The following ROS1 variants were observed in gnomAD, a reference collection of about 807,000 sequenced individuals.
ROS1 encodes the protein proto-oncogene tyrosine-protein kinase ROS.
Under a neutral mutation model 273.5 loss-of-function variants are expected in ROS1, and 263 were observed. The ratio of observed to expected loss-of-function variants is 0.96; its 90% CI spans 0.87 to 1.06. The LOEUF is 1.06. Among genes scored for constraint, ROS1 ranks in the 50% least tolerant of loss-of-function variants. ROS1 has a pLI of 0.00. For synonymous variants in ROS1, 1,008 were observed against 954.1 expected (o/e 1.06, Z -1.04); for missense variants, 2,833 against 2,751.1 (o/e 1.03, Z -0.67).
intron 6 of ROS1, 56 bp downstream of exon 6, chr6:117,404,220 CAAAA>C: frequency 1.3e-5 from 17 of 1,334,032 alleles, no homozygotes; most frequent in South Asian, 3.9e-5. Flanking sequence ...GACTCCGTCT[CAAAA>C]AAAAAAAAAA....
At chr6:117,358,237 T>G (rs760682891) in intron 24 of ROS1, among the ~76,000 whole-genome samples, 17 of 151,812 alleles carry the variant, frequency 1.1e-4, no homozygotes, top group Admixed American at 4.6e-4. Context: ...GTGCTACAAA[T>G]TTATATCTTC....
chr6:117,376,517 CTAAAG>C (rs1002206268), intron 18 of ROS1, among the ~76,000 whole-genome samples: 3 of 152,096 alleles, frequency 2.0e-5, no homozygotes, highest in Non-Finnish European at 4.4e-5. Flanking sequence ...ATAACTCTTA[CTAAAG>C]TATTCTAGAA....
intron 12 of ROS1, among the ~76,000 whole-genome samples, chr6:117,390,788 G>A (rs1269305515): frequency 1.3e-5 from 2 of 152,028 alleles, no homozygotes; most frequent in African/African-American, 2.4e-5. Flanking sequence ...AGAAGCCAAC[G>A]GAAGAATTAG....
At chr6:117,389,235 G>A in intron 13 of ROS1, 115 bp downstream of exon 13, 2 of 1,229,698 alleles carry the variant, frequency 1.6e-6, no homozygotes, top group African/African-American at 1.5e-5. Context: ...GCTGCTTCTG[G>A]TTGATGACTG....
rs201235239 is a variant in ROS1 at position 117,383,473 on chromosome 6, G to C, written c.2325C>G (p.Asp775Glu). 5.6e-5 allele frequency: 90 copies of C among 1,613,926 alleles called. No individual in the cohort carries two copies. The highest frequency in any genetic ancestry group is 4.0e-5 in the African/African-American group (3 of 74,914). The part of the protein sequence containing the change: ...QRQSVLTGHT[D>E]IVTHVKLLVN... Reference sequence around the variant, plus strand: ...CCAATAGCTTCACGTGGGTAACAATGTCTGTGTGTCCCGTCAACACAGACT... The same window carrying C: ...CCAATAGCTTCACGTGGGTAACAATCTCTGTGTGTCCCGTCAACACAGACT... The change falls in exon 17 of 44, where the codon GAC becomes GAG. Residue 775 changes from aspartate (D) to glutamate (E), a missense_variant. By Grantham distance (45) the Asp-to-Glu change is conservative. Transcript: ENST00000368507.
chr6:117,318,139 G>T (rs768359275), intron 38 of ROS1, 49 bp downstream of exon 38: 1 of 1,366,980 alleles, frequency 7.3e-7, no homozygotes, highest in East Asian at 2.3e-5. Flanking sequence ...TAAGTCAAGC[G>T]GACTTAAAAC....
rs866286830 is a variant in ROS1 at position 117,317,842 on chromosome 6, T to C, written c.5987+346A>G. On this transcript the variant is annotated intron_variant, in intron 38 of 43. Transcript: ENST00000368507. ...ACAAAGGATATTTTCACTGACATTATAGCATTTGAGAGAACTCTCTCTTAC... is the reference window on the plus strand; with the variant it reads ...ACAAAGGATATTTTCACTGACATTACAGCATTTGAGAGAACTCTCTCTTAC... Among the ~76,000 whole-genome samples the C allele has an allele frequency of 1.3e-5, 2 of 152,160 alleles. 1 individual carries two copies. Among genetic ancestry groups the C allele is most frequent in the Admixed American group, 1.3e-4 (2 of 15,264 alleles).
chr6:117,404,004 AG>A (rs1202660543), intron 6 of ROS1, among the ~76,000 whole-genome samples: 5 of 152,214 alleles, frequency 3.3e-5, no homozygotes, highest in African/African-American at 1.2e-4. Flanking sequence ...TGGGAGGCCG[AG>A]GCGGGCGGAT....
At position 117,362,879 on chromosome 6, in the gene ROS1, G is replaced by A. The variant is rs754018060; in HGVS notation, c.3104-14C>T. 6.3e-7 allele frequency: 1 copy of A among 1,594,862 alleles called. No individual in the cohort carries two copies. The highest frequency in any genetic ancestry group is 8.5e-7 in the Non-Finnish European group (1 of 1,171,254). ...GTGCTGATGGAACTGAAAAGTAGAG[G>A]CACAGGTAGAGCAGAAAAGAATATA... On this transcript the variant is annotated splice_polypyrimidine_tract_variant and intron_variant, in intron 21 of 43. Coordinates refer to ENST00000368507, the MANE Select transcript of ROS1 (RefSeq NM_001378902.1).
chr6:117,344,943 T>TC (rs1213364780), intron 27 of ROS1, among the ~76,000 whole-genome samples: 5 of 152,208 alleles, frequency 3.3e-5, no homozygotes, highest in Non-Finnish European at 1.5e-5. Flanking sequence ...CGCAGATCTG[T>TC]CACTTGCAGC....
intron 4 of ROS1, among the ~76,000 whole-genome samples, chr6:117,413,352 C>T (rs1253689094): frequency 6.6e-6 from 1 of 152,160 alleles, no homozygotes; most frequent in Non-Finnish European, 1.5e-5. Flanking sequence ...CCTACTTGAA[C>T]CTCCGAAGTA....
chr6:117,317,898 G>A (rs1227338091), intron 38 of ROS1, among the ~76,000 whole-genome samples: 2 of 152,102 alleles, frequency 1.3e-5, no homozygotes, highest in African/African-American at 4.8e-5. Context: ...CACACATTTA[G>A]ATGAATACAA....
At chr6:117,415,127 T>C (rs530728137) in intron 3 of ROS1, among the ~76,000 whole-genome samples, 2 of 152,222 alleles carry the variant, frequency 1.3e-5, no homozygotes, top group African/African-American at 2.4e-5. Context: ...GGATAAAAGA[T>C]ACTAAACACA....
chr6:117,385,895 T>C, intron 15 of ROS1, 34 bp from the exon 16 acceptor site: 1 of 1,572,742 alleles, frequency 6.4e-7, no homozygotes, highest in Non-Finnish European at 8.7e-7. Context: ...CAGTTATTTT[T>C]CATACATACC....
Position 117,308,780 on chromosome 6 carries a change from C to T in ROS1, c.6551+14G>A, listed in dbSNP as rs2128545822. ...TTTGTTTGGGGGATACATATGTTAA[C>T]ATAATTAACTTACAGATCATCAGGA... On this transcript the variant is annotated intron_variant, in intron 42 of 43. Coordinates refer to ENST00000368507, the MANE Select transcript of ROS1 (RefSeq NM_001378902.1). The T allele has an allele frequency of 6.2e-7, 1 of 1,610,414 alleles. No individual in the cohort carries two copies. Among genetic ancestry groups the T allele is most frequent in the Non-Finnish European group, 8.5e-7 (1 of 1,178,484 alleles).
rs562389157 is a variant in ROS1, at chr6:117,292,720, C to G, written c.6716-3918G>C. On this transcript the variant is annotated intron_variant, in intron 43 of 43. Transcript: ENST00000368507. ...ATATGCCAAGCCAACTCAAACCAAA[C>G]ATATGCAAAACTGTTCCTCTTCCTA... Among the ~76,000 whole-genome samples the G allele has an allele frequency of 3.6e-3, 542 of 152,324 alleles. 5 individuals carry two copies. The highest frequency in any genetic ancestry group is 0.013 in the African/African-American group (528 of 41,568).
chr6:117,394,294 G>A lies in ROS1; in HGVS notation c.1059C>T (p.Leu353=). ...QQIVYFSEGT[L]IWAKKAANMS... is the part of the protein sequence containing the mutation. Reference sequence around the variant, plus strand: ...TGTTGGCAGCCTTCTTCGCCCATATGAGAGTTCCTTCAGAGAAATAAACAA... The same window carrying A: ...TGTTGGCAGCCTTCTTCGCCCATATAAGAGTTCCTTCAGAGAAATAAACAA... The change falls in exon 11 of 44, where the codon CTC becomes CTT. Residue 353 remains leucine (L), a synonymous_variant. Transcript: ENST00000368507. 6.2e-7 allele frequency: 1 copy of A among 1,609,208 alleles called. No individual in the cohort carries two copies. Among genetic ancestry groups the A allele is most frequent in the Non-Finnish European group, 8.5e-7 (1 of 1,178,690 alleles).
chr6:117,360,713 CTAAT>C (rs1232961454), intron 22 of ROS1, among the ~76,000 whole-genome samples: 5 of 151,946 alleles, frequency 3.3e-5, no homozygotes, highest in Non-Finnish European at 4.4e-5. Context: ...TGATGAATGT[CTAAT>C]TAATTCAATT....
chr6:117,341,809 C>T (rs562520605), intron 29 of ROS1, among the ~76,000 whole-genome samples, 177 bp from the exon 30 acceptor site: 1 of 152,080 alleles, frequency 6.6e-6, no homozygotes, highest in East Asian at 1.9e-4. Context: ...CTAAAAGGCT[C>T]CCACTTATTT....
Sources: allele counts gnomAD v4.1 joint callset (sites outside exome capture counted in the v4.1 genomes callset), GRCh38; gene constraint gnomAD v4.1.1; transcripts MANE v1.5; gene names NCBI Gene and HGNC (gene_info 2026-07-23, HGNC 2026-07-21).